Variants in THRB observed in about 807,000 individuals in gnomAD.
The protein encoded by THRB is nuclear receptor subfamily 1 group A member 2.
A neutral mutation model predicts 47.8 loss-of-function variants in THRB; 12 were observed. The observed-to-expected ratio is 0.25, with a 90% confidence interval of 0.16 to 0.41. The LOEUF is 0.41. Ranked by LOEUF, THRB falls within the 10% of genes least tolerant of loss-of-function variation. The pLI, the probability that THRB is intolerant of heterozygous loss-of-function variation, is 1.00. For synonymous variants in THRB, 218 were observed against 212.2 expected (o/e 1.03, Z -0.24); for missense variants, 348 against 589.2 (o/e 0.59, Z 4.24).
chr3:24,365,265 T>C (rs1362443236), intron 1 of THRB, among the ~76,000 whole-genome samples: 1 of 152,016 alleles, frequency 6.6e-6, no homozygotes, highest in African/African-American at 2.4e-5. Context: ...TTGCAAAAGC[T>C]TGGGAGTGTG....
chr3:24,158,205 T>C (rs1265239343), intron 5 of THRB, among the ~76,000 whole-genome samples: 2 of 152,164 alleles, frequency 1.3e-5, no homozygotes, highest in African/African-American at 2.4e-5. Flanking sequence ...ATTCTCACAG[T>C]GTAACGATCA....
chr3:24,183,337 TTTTTC>T (rs1362503697), intron 5 of THRB, among the ~76,000 whole-genome samples: 2 of 147,082 alleles, frequency 1.4e-5, no homozygotes, highest in Non-Finnish European at 3.0e-5. Flanking sequence ...TCTTTCATCT[TTTTTC>T]TTTTCTTCTT....
chr3:24,228,633 AAAG>A (rs1262652014), intron 4 of THRB, among the ~76,000 whole-genome samples: 15 of 120,886 alleles, frequency 1.2e-4, no homozygotes, highest in Non-Finnish European at 7.5e-5. Flanking sequence ...ACCATGTCTC[AAAG>A]AAAAAAAAAA....
At chr3:24,178,704 T>C (rs769280441) in intron 5 of THRB, among the ~76,000 whole-genome samples, 13 of 152,094 alleles carry the variant, frequency 8.5e-5, no homozygotes, top group Admixed American at 2.0e-4. Flanking sequence ...CTCCACTATA[T>C]GTGGAATGGA....
chr3:24,389,514 C>T (rs1324668922), intron 1 of THRB, among the ~76,000 whole-genome samples: 1 of 152,056 alleles, frequency 6.6e-6, no homozygotes, highest in Non-Finnish European at 1.5e-5. Context: ...TCATTTTAAC[C>T]CCCTCCTTCA....
intron 5 of THRB, chr3:24,165,230 T>C: frequency 2.6e-6 from 2 of 765,142 alleles, no homozygotes; most frequent in Non-Finnish European, 4.8e-6. Flanking sequence ...GGGCACAGCC[T>C]GAGCATCGCA....
intron 1 of THRB, among the ~76,000 whole-genome samples, chr3:24,488,050 GCTA>G (rs1198287025): frequency 2.6e-5 from 4 of 152,170 alleles, no homozygotes; most frequent in African/African-American, 9.7e-5. Context: ...CATATATTAT[GCTA>G]CTAACACCAT....
chr3:24,483,668 A>G (rs1000374455), intron 1 of THRB, among the ~76,000 whole-genome samples: 32 of 152,238 alleles, frequency 2.1e-4, no homozygotes, highest in Admixed American at 5.9e-4. Flanking sequence ...AGATGACCCC[A>G]TAAGGGTGAG....
chr3:24,396,535 GGC>G (rs2066977882), intron 1 of THRB, among the ~76,000 whole-genome samples: 1 of 151,998 alleles, frequency 6.6e-6, no homozygotes, highest in Admixed American at 6.6e-5. Context: ...TCACCTGCAG[GGC>G]CACTCTATAG....
intron 8 of THRB, among the ~76,000 whole-genome samples, chr3:24,135,927 A>G (rs2034613056): frequency 6.6e-6 from 1 of 150,552 alleles, no homozygotes; most frequent in Non-Finnish European, 1.5e-5. Context: ...AATAAAATTA[A>G]GAAGTGTAAT....
chr3:24,321,403 T>C (rs2058475092), intron 2 of THRB, among the ~76,000 whole-genome samples: 1 of 152,210 alleles, frequency 6.6e-6, no homozygotes, highest in South Asian at 2.1e-4. Flanking sequence ...TAATTTTTTT[T>C]ACAGTTATCT....
chr3:24,239,989 T>C (rs766244240), intron 3 of THRB, among the ~76,000 whole-genome samples: 34 of 152,294 alleles, frequency 2.2e-4, no homozygotes, highest in Admixed American at 1.8e-3. Flanking sequence ...TGTCTGACAG[T>C]TGTTTCTGGG....
intron 1 of THRB, among the ~76,000 whole-genome samples, chr3:24,385,729 A>G (rs150919081): frequency 1.6e-3 from 247 of 152,224 alleles, no homozygotes; most frequent in Non-Finnish European, 3.3e-3. Flanking sequence ...AACTGGAACT[A>G]CCTGAGTTCA....
chr3:24,425,283 A>T (rs2069645569), intron 1 of THRB, among the ~76,000 whole-genome samples: 1 of 151,814 alleles, frequency 6.6e-6, no homozygotes, highest in Non-Finnish European at 1.5e-5. Context: ...ATATATTACT[A>T]GTTTGTTTAA....
chr3:24,132,495 A>G (rs565058312), intron 9 of THRB, among the ~76,000 whole-genome samples: 5 of 152,356 alleles, frequency 3.3e-5, no homozygotes, highest in Non-Finnish European at 7.3e-5. Flanking sequence ...ACCTTTCAAC[A>G]GCTCTAAGAG....
chr3:24,260,771 T>C (rs930787626), intron 3 of THRB, among the ~76,000 whole-genome samples: 7 of 152,226 alleles, frequency 4.6e-5, no homozygotes, highest in Non-Finnish European at 8.8e-5. Flanking sequence ...AGCTATGTCC[T>C]GTCTTCCTAT....
intron 3 of THRB, among the ~76,000 whole-genome samples, chr3:24,256,086 T>C (rs1442619265): frequency 6.6e-6 from 1 of 152,130 alleles, no homozygotes; most frequent in African/African-American, 2.4e-5. Context: ...GAGGATCAAG[T>C]GAGCTGGCAA....
intron 8 of THRB, among the ~76,000 whole-genome samples, chr3:24,142,950 C>A (rs758664074): frequency 3.9e-5 from 6 of 152,184 alleles, no homozygotes; most frequent in Non-Finnish European, 8.8e-5. Flanking sequence ...TCTGGAAGGT[C>A]TTTTTTCTCT....
intron 1 of THRB, among the ~76,000 whole-genome samples, chr3:24,406,996 C>A (rs1258947711): frequency 2.0e-5 from 3 of 151,808 alleles, no homozygotes; most frequent in Admixed American, 2.0e-4. Flanking sequence ...AATTATGGAG[C>A]TTAATCCATG....
Sources: gnomAD v4.1 joint callset for allele counts (sites outside exome capture counted in the v4.1 genomes callset) on GRCh38, gnomAD v4.1.1 for gene constraint, MANE v1.5 for transcripts, NCBI Gene and HGNC (gene_info 2026-07-23, HGNC 2026-07-21) for gene names.